ADAM12: variants seen among roughly 807,000 people sequenced by gnomAD.
ADAM12 encodes ADAM metallopeptidase domain 12, also known as disintegrin and metalloproteinase domain-containing protein 12.
In ADAM12, 70 loss-of-function variants were observed where a neutral mutation model predicts 106.4. The ratio of observed to expected loss-of-function variants is 0.66; its 90% CI spans 0.54 to 0.80. ADAM12 has a LOEUF of 0.80. Ranked by LOEUF, ADAM12 falls within the 30% of genes least tolerant of loss-of-function variation. The pLI is 0.00. For missense variants in ADAM12, 1,010 were observed against 1,171.9 expected (o/e 0.86, Z 2.02); for synonymous variants, 420 against 433.5 (o/e 0.97, Z 0.39).
intron 11 of ADAM12, among the ~76,000 whole-genome samples, chr10:126,072,224 G>A (rs1300371958): frequency 6.6e-6 from 1 of 152,060 alleles, no homozygotes; most frequent in Non-Finnish European, 1.5e-5. Flanking sequence ...CAGAAATGCA[G>A]GTCTTACCCT....
In ADAM12 at chr10:126,101,246, G is replaced by A. The variant is rs753166412; in HGVS notation, c.742-5C>T. 1.2e-5 allele frequency: 20 copies of A among 1,608,656 alleles called. No individual in the cohort carries two copies. The highest frequency in any genetic ancestry group is 6.7e-5 in the Admixed American group (4 of 59,610). ...AATGTTCAGTGGTCTGTAAAACTGG[G>A]CAAAACAGGCAAAACTGGCATTGGA... On this transcript the variant is annotated splice_region_variant and splice_polypyrimidine_tract_variant and intron_variant, in intron 8 of 22. Transcript: ENST00000448723.
chr10:126,242,267 A>T (rs540109200), intron 3 of ADAM12, among the ~76,000 whole-genome samples: 15 of 152,360 alleles, frequency 9.8e-5, no homozygotes, highest in African/African-American at 3.4e-4. Context: ...TTGTAAAAAC[A>T]TACTTTAAAA....
Position 126,043,151 on chromosome 10 carries a change from T to G in ADAM12, c.1996-3A>C. ...CAGTTCTTCCTGTTGTTGCACACCT[T>G]TCAGGGCAGAGGGGAGGGACGTGGG... On this transcript the variant is annotated splice_region_variant and splice_polypyrimidine_tract_variant and intron_variant, in intron 17 of 22. Transcript: ENST00000448723. This position sits in a 1 kb window ranked among gnomAD's most constrained non-coding sequence, Gnocchi z 4.1. 1 of 1,613,924 alleles carries G rather than the reference T, an allele frequency of 6.2e-7. No homozygotes were observed. The highest frequency in any genetic ancestry group is 8.5e-7 in the Non-Finnish European group (1 of 1,179,900).
chr10:126,057,990 G>C (rs900870553), intron 14 of ADAM12, among the ~76,000 whole-genome samples: 1 of 152,208 alleles, frequency 6.6e-6, no homozygotes. Context: ...CAGGTTATAT[G>C]ATCGGGTCAA....
At chr10:126,348,042 G>A (rs1259584302) in intron 1 of ADAM12, among the ~76,000 whole-genome samples, 2 of 152,178 alleles carry the variant, frequency 1.3e-5, no homozygotes, top group African/African-American at 2.4e-5. Flanking sequence ...AGTACAGGGT[G>A]CTTAACCCCT....
chr10:126,258,150 C>T (rs543637543), intron 3 of ADAM12, among the ~76,000 whole-genome samples: 2 of 152,164 alleles, frequency 1.3e-5, no homozygotes, highest in Admixed American at 1.3e-4. Flanking sequence ...ATTTAATTGG[C>T]CAATTCAGGC....
At chr10:126,032,341 G>A (rs1391006528) in intron 21 of ADAM12, among the ~76,000 whole-genome samples, 2 of 152,286 alleles carry the variant, frequency 1.3e-5, no homozygotes, top group East Asian at 1.9e-4. Context: ...ATGTGTGATG[G>A]GAGAGAAATC....
At chr10:126,341,230 T>G (rs1854919753) in intron 1 of ADAM12, among the ~76,000 whole-genome samples, 1 of 152,204 alleles carries the variant, frequency 6.6e-6, no homozygotes, top group African/African-American at 2.4e-5. Flanking sequence ...GTTTTATTTA[T>G]TTACCTCTTT....
Position 126,060,736 on chromosome 10 carries a change from C to T in ADAM12, c.1609+4070G>A, listed in dbSNP as rs112381550. ...CTCCGCTCCCAGGACTGCATTTGTCCGGGATCCATGCCTCCCGGGAGGATA... is the reference window on the plus strand; with the variant it reads ...CTCCGCTCCCAGGACTGCATTTGTCTGGGATCCATGCCTCCCGGGAGGATA... On this transcript the variant is annotated intron_variant, in intron 14 of 22. Transcript: ENST00000448723. 7.9e-5 allele frequency among the ~76,000 whole-genome samples: 12 copies of T among 152,302 alleles called. 1 individual carries two copies. Among genetic ancestry groups the T allele is most frequent in the South Asian group, 2.1e-4 (1 of 4,822 alleles).
chr10:126,269,849 A>G (rs1402036770), intron 3 of ADAM12, among the ~76,000 whole-genome samples: 1 of 152,218 alleles, frequency 6.6e-6, no homozygotes, highest in African/African-American at 2.4e-5. Context: ...ACACTCTCAA[A>G]TCACAACCCA....
chr10:126,100,004 G>T (rs1418613361), intron 9 of ADAM12, among the ~76,000 whole-genome samples: 1 of 150,856 alleles, frequency 6.6e-6, no homozygotes, highest in African/African-American at 2.5e-5. Flanking sequence ...TAAAAGCATC[G>T]GCAACATCTC....
intron 2 of ADAM12, among the ~76,000 whole-genome samples, chr10:126,317,413 T>C (rs889264953): frequency 1.3e-5 from 2 of 152,200 alleles, no homozygotes; most frequent in Non-Finnish European, 2.9e-5. Context: ...AGAAGACCCT[T>C]AGTACCTCTG....
intron 3 of ADAM12, among the ~76,000 whole-genome samples, chr10:126,194,278 C>CAAA (rs35778124): frequency 1.5e-3 from 85 of 57,868 alleles, no homozygotes; most frequent in African/African-American, 2.0e-3. Flanking sequence ...TTCATATGCT[C>CAAA]AAAAAAAAAA....
At chr10:126,044,770 T>C (rs997671056) in intron 17 of ADAM12, among the ~76,000 whole-genome samples, 17 of 152,332 alleles carry the variant, frequency 1.1e-4, no homozygotes, top group African/African-American at 3.8e-4. Flanking sequence ...AGTAGACTGC[T>C]ATAAAGCAGA....
intron 2 of ADAM12, among the ~76,000 whole-genome samples, chr10:126,289,543 G>C (rs1395403129): frequency 1.3e-5 from 2 of 152,306 alleles, no homozygotes; most frequent in Non-Finnish European, 2.9e-5. Context: ...CCTAGGCTGG[G>C]TTCCAAGACC....
chr10:126,132,861 C>T (rs968545033), intron 5 of ADAM12, among the ~76,000 whole-genome samples: 13 of 152,024 alleles, frequency 8.6e-5, no homozygotes, highest in African/African-American at 3.1e-4. Context: ...ACCTCAGATG[C>T]CACCAGGTCT....
intron 21 of ADAM12, among the ~76,000 whole-genome samples, chr10:126,035,762 T>C (rs1352159182): frequency 1.3e-5 from 2 of 152,148 alleles, no homozygotes; most frequent in Admixed American, 1.3e-4. Context: ...TGAAATAAAA[T>C]GATGAGAGAG....
chr10:126,358,154 G>A (rs1473060287), intron 1 of ADAM12, among the ~76,000 whole-genome samples: 1 of 149,152 alleles, frequency 6.7e-6, no homozygotes, highest in Non-Finnish European at 1.5e-5. Context: ...ACTCCAGCCT[G>A]GGTGACCGTG....
At chr10:126,033,581 C>A (rs1954007200) in intron 21 of ADAM12, among the ~76,000 whole-genome samples, 1 of 152,082 alleles carries the variant, frequency 6.6e-6, no homozygotes. Flanking sequence ...AAAGAGCAGT[C>A]CAGAAACACA....
Sources: gnomAD v4.1 joint callset for allele counts (sites outside exome capture counted in the v4.1 genomes callset) on GRCh38, gnomAD v4.1.1 for gene constraint, Gnocchi (gnomAD v3.1) non-coding constraint, MANE v1.5 for transcripts, NCBI Gene and HGNC (gene_info 2026-07-23, HGNC 2026-07-21) for gene names.